The following ATG7 variants were observed in gnomAD, a reference collection of about 807,000 sequenced individuals.
ATG7 encodes ubiquitin-like modifier-activating enzyme ATG7.
In ATG7, 70 loss-of-function variants were observed where a neutral mutation model predicts 82.4. That is an observed-to-expected ratio of 0.85 (90% CI 0.70 to 1.04). The LOEUF (loss-of-function observed/expected upper bound fraction) is 1.04. Ranked by LOEUF, ATG7 falls within the 50% of genes least tolerant of loss-of-function variation. The pLI is 0.00. For missense variants in ATG7, 792 were observed against 864.3 expected (o/e 0.92, Z 1.05); for synonymous variants, 287 against 313.0 (o/e 0.92, Z 0.88).
In ATG7 at chr3:11,541,188, T is replaced by C. The variant is rs370893584; in HGVS notation, c.2080-13623T>C. On this transcript the variant is annotated intron_variant, in intron 20 of 20. Coordinates refer to ENST00000693202, the MANE Select transcript of ATG7 (RefSeq NM_001349232.2). ...GTGCTGGGATTACAGGCGTGAGCCA[T>C]CGCGCCCGGCTGGTTTTAGCTTTTA... is the stretch of plus-strand genomic sequence containing the variant. Among the ~76,000 whole-genome samples, 26 of 152,312 alleles carry C rather than the reference T, an allele frequency of 1.7e-4. No homozygotes were observed. The East Asian group carries it at 2.9e-3, about 17-fold the overall frequency.
chr3:11,559,491 G>A, downstream of ATG7: 1 of 1,519,042 alleles, frequency 6.6e-7, no homozygotes, highest in Non-Finnish European at 8.8e-7. Flanking sequence ...GTGGAGACCA[G>A]CTTCAGTACC....
At chr3:11,375,243 G>C (rs1236686421) in intron 18 of ATG7, among the ~76,000 whole-genome samples, 1 of 152,086 alleles carries the variant, frequency 6.6e-6, no homozygotes, top group African/African-American at 2.4e-5. Flanking sequence ...CAGAATGGGA[G>C]AATATATTTG....
At chr3:11,414,785 G>A (rs1480092290) in intron 19 of ATG7, among the ~76,000 whole-genome samples, 1 of 152,102 alleles carries the variant, frequency 6.6e-6, no homozygotes, top group Non-Finnish European at 1.5e-5. Flanking sequence ...GTTCAATTTT[G>A]TAAAATGTTC....
chr3:11,519,540 T>TG (rs2092379119), intron 20 of ATG7, among the ~76,000 whole-genome samples: 1 of 15,370 alleles, frequency 6.5e-5, no homozygotes, highest in Admixed American at 6.3e-4. Flanking sequence ...GTGAGAGGAG[T>TG]TTTTTTTTTT....
chr3:11,344,731 G>C (rs987136322), intron 13 of ATG7, among the ~76,000 whole-genome samples: 1 of 152,104 alleles, frequency 6.6e-6, no homozygotes, highest in South Asian at 2.1e-4. Flanking sequence ...TAGCCAGGCT[G>C]TAGTGGCGCG....
chr3:11,367,144 T>C (rs2076679217), intron 18 of ATG7, among the ~76,000 whole-genome samples: 1 of 152,154 alleles, frequency 6.6e-6, no homozygotes, highest in Admixed American at 6.5e-5. Flanking sequence ...AAACAACTTT[T>C]TTCCCCCTAA....
At chr3:11,319,801 GTC>G (rs1429304727) in intron 9 of ATG7, among the ~76,000 whole-genome samples, 1 of 152,252 alleles carries the variant, frequency 6.6e-6, no homozygotes, top group African/African-American at 2.4e-5. Context: ...TGTCCTGAAT[GTC>G]TCTCAGCCTA....
At chr3:11,363,076 T>C (rs1300799499) in intron 17 of ATG7, 148 bp downstream of exon 17, 2 of 674,344 alleles carry the variant, frequency 3.0e-6, no homozygotes, top group Admixed American at 2.9e-5. Flanking sequence ...AAAGCAGGTC[T>C]GGTTCTTTGG....
chr3:11,288,968 G>T (rs1291811678), intron 3 of ATG7, among the ~76,000 whole-genome samples: 1 of 152,128 alleles, frequency 6.6e-6, no homozygotes, highest in Non-Finnish European at 1.5e-5. Flanking sequence ...TTACAGTGTT[G>T]AATCCCTATC....
intron 20 of ATG7, among the ~76,000 whole-genome samples, chr3:11,491,276 C>G (rs199881053): frequency 6.6e-6 from 1 of 152,168 alleles, no homozygotes; most frequent in East Asian, 1.9e-4. Flanking sequence ...GCTCCTGAGG[C>G]TTCTGCATTC....
intron 5 of ATG7, among the ~76,000 whole-genome samples, chr3:11,300,101 T>A (rs1375115809): frequency 1.3e-5 from 2 of 152,060 alleles, no homozygotes; most frequent in Non-Finnish European, 2.9e-5. Context: ...ATTTTTGTAT[T>A]TTTTTGGTAG....
At chr3:11,572,647 C>T in the ATG7 span, among the ~76,000 whole-genome samples, 1 of 152,138 alleles carries the variant, frequency 6.6e-6, no homozygotes, top group Non-Finnish European at 1.5e-5. Context: ...ACACATCCGT[C>T]GCATGCTTCA....
intron 11 of ATG7, among the ~76,000 whole-genome samples, chr3:11,337,264 C>G (rs549983510): frequency 3.0e-4 from 45 of 152,250 alleles, no homozygotes; most frequent in Admixed American, 2.3e-3. Context: ...ACCATCCTGG[C>G]CAACATGGTG....
At chr3:11,365,516 T>C (rs1225827223) in intron 18 of ATG7, among the ~76,000 whole-genome samples, 2 of 152,212 alleles carry the variant, frequency 1.3e-5, no homozygotes, top group East Asian at 3.8e-4. Flanking sequence ...GAAATCATTT[T>C]TTTTTAGATT....
At position 11,319,289 on chromosome 3, in the gene ATG7, G is replaced by GAC. The variant is rs572189594; in HGVS notation, c.678+3797_678+3798insCA. Reference sequence around the variant, plus strand: ...TCCCTTCGAGCCACGACATTTCCTTGAAGGTTTTCACCCTCTTTTTTCAAA... The same window carrying GAC: ...TCCCTTCGAGCCACGACATTTCCTTGACAAGGTTTTCACCCTCTTTTTTCAAA... On this transcript the variant is annotated intron_variant, in intron 9 of 20. Transcript: ENST00000693202. Among the ~76,000 whole-genome samples, 285 of 152,260 alleles carry GAC rather than the reference G, an allele frequency of 1.9e-3. 1 individual carries two copies. Among genetic ancestry groups the GAC allele is most frequent in the African/African-American group, 6.5e-3 (272 of 41,556 alleles).
intron 11 of ATG7, among the ~76,000 whole-genome samples, chr3:11,339,018 C>T (rs1003669146): frequency 3.9e-5 from 6 of 152,120 alleles, no homozygotes; most frequent in East Asian, 3.9e-4. Context: ...GTGTACAGGC[C>T]GGGCGTGGTA....
chr3:11,452,809 G>A (rs1316260770), intron 20 of ATG7, among the ~76,000 whole-genome samples: 2 of 152,206 alleles, frequency 1.3e-5, no homozygotes, highest in Non-Finnish European at 2.9e-5. Flanking sequence ...GCAGATATTA[G>A]TGTTAAGACC....
chr3:11,391,120 A>G (rs1017499205), intron 19 of ATG7, among the ~76,000 whole-genome samples: 1 of 152,020 alleles, frequency 6.6e-6, no homozygotes, highest in East Asian at 1.9e-4. Flanking sequence ...TCCTGAATAT[A>G]CTCATTTTTG....
intron 9 of ATG7, among the ~76,000 whole-genome samples, chr3:11,318,422 T>C (rs1949741152): frequency 6.6e-6 from 1 of 152,158 alleles, no homozygotes; most frequent in Admixed American, 6.5e-5. Flanking sequence ...GGGTGATACT[T>C]TGGTTGGTCT....
Sources: gnomAD v4.1 joint callset for allele counts (sites outside exome capture counted in the v4.1 genomes callset) on GRCh38, gnomAD v4.1.1 for gene constraint, MANE v1.5 for transcripts, NCBI Gene and HGNC (gene_info 2026-07-23, HGNC 2026-07-21) for gene names.